DCC: variants seen among roughly 807,000 people sequenced by gnomAD.
DCC encodes netrin receptor DCC.
Under a neutral mutation model 172.5 loss-of-function variants are expected in DCC, and 58 were observed. The observed-to-expected ratio is 0.34, with a 90% confidence interval of 0.27 to 0.42. The LOEUF is 0.42. DCC is among the 10% of genes least tolerant of loss of function. The pLI, the probability that DCC is intolerant of heterozygous loss-of-function variation, is 1.00. For synonymous variants in DCC, 709 were observed against 644.5 expected (o/e 1.10, Z -1.52); for missense variants, 1,740 against 1,791.0 (o/e 0.97, Z 0.51).
At chr18:52,424,191 C>G (rs1987347224) in intron 1 of DCC, among the ~76,000 whole-genome samples, 1 of 152,124 alleles carries the variant, frequency 6.6e-6, no homozygotes, top group African/African-American at 2.4e-5. Flanking sequence ...TATATTAAAA[C>G]CTACCATGTA....
At chr18:53,129,909 C>T (rs2043625633) in intron 7 of DCC, among the ~76,000 whole-genome samples, 1 of 152,078 alleles carries the variant, frequency 6.6e-6, no homozygotes, top group Admixed American at 6.6e-5. Flanking sequence ...TTATAAACAT[C>T]TAAACCCTAG....
intron 3 of DCC, among the ~76,000 whole-genome samples, chr18:52,918,127 A>G (rs1192646315): frequency 1.3e-5 from 2 of 152,204 alleles, no homozygotes; most frequent in Non-Finnish European, 2.9e-5. Context: ...AGAGAATAAA[A>G]TGGAAAATGA....
intron 2 of DCC, among the ~76,000 whole-genome samples, chr18:52,897,059 G>A (rs1183240879): frequency 6.6e-6 from 1 of 152,184 alleles, no homozygotes; most frequent in Non-Finnish European, 1.5e-5. Context: ...AAATAACCTA[G>A]CAATGCTCTT....
intron 5 of DCC, among the ~76,000 whole-genome samples, chr18:53,061,170 C>T (rs184038857): frequency 3.0e-4 from 45 of 152,194 alleles, no homozygotes; most frequent in African/African-American, 8.4e-4. Flanking sequence ...CAGAGGCACT[C>T]GCAGTGAGAG....
intron 12 of DCC, among the ~76,000 whole-genome samples, chr18:53,288,531 A>G (rs925868883): frequency 2.6e-5 from 4 of 152,090 alleles, no homozygotes; most frequent in African/African-American, 9.7e-5. Flanking sequence ...TTATTTTGGA[A>G]TAGTTTTATT....
rs563643201 is a variant in DCC at position 52,843,710 on chromosome 18, A to G, written c.413-62334A>G. ...AGCATCTTTTCATCACTCACTGCCT[A>G]TTAAAACCCCACTAACAATTAAACA... On this transcript the variant is annotated intron_variant, in intron 2 of 28. Transcript: ENST00000442544. Among the ~76,000 whole-genome samples, 39 of 152,276 alleles carry G rather than the reference A, an allele frequency of 2.6e-4. No homozygotes were observed. The South Asian group carries it at 5.6e-3, about 22-fold the overall frequency.
intron 1 of DCC, among the ~76,000 whole-genome samples, chr18:52,716,494 A>T (rs1372214726): frequency 6.6e-6 from 1 of 152,192 alleles, no homozygotes; most frequent in Non-Finnish European, 1.5e-5. Flanking sequence ...GTATTCTTAC[A>T]TGTGGCTTGT....
At chr18:53,516,018 C>A (rs2046329690) in intron 27 of DCC, among the ~76,000 whole-genome samples, 1 of 148,086 alleles carries the variant, frequency 6.8e-6, no homozygotes, top group Non-Finnish European at 1.5e-5. Context: ...AAGAACAAAG[C>A]TGGAGGCATC....
intron 1 of DCC, among the ~76,000 whole-genome samples, chr18:52,548,604 G>A (rs567510597): frequency 2.6e-5 from 4 of 152,218 alleles, no homozygotes; most frequent in South Asian, 2.1e-4. Flanking sequence ...GAGCAGATAA[G>A]CTAAGTAAGT....
In DCC at chr18:53,129,357, C is replaced by T. The variant is rs564554747; in HGVS notation, c.1262-27999C>T. Among the ~76,000 whole-genome samples, 27 of 152,186 alleles carry T rather than the reference C, an allele frequency of 1.8e-4. No individual in the cohort carries two copies. In the South Asian group the frequency reaches 5.4e-3, roughly 30 times the overall value. ...TTAATATACAATAAAATGCACACAT[C>T]TCAAGTGTTGAGTTCACTGAATTTT... is the stretch of plus-strand genomic sequence containing the variant. On this transcript the variant is annotated intron_variant, in intron 7 of 28. Coordinates refer to ENST00000442544, the MANE Select transcript of DCC (RefSeq NM_005215.4).
chr18:53,232,334 T>G (rs1482395929), intron 12 of DCC, among the ~76,000 whole-genome samples: 1 of 152,168 alleles, frequency 6.6e-6, no homozygotes, highest in Non-Finnish European at 1.5e-5. Context: ...AGACATCCCT[T>G]AAGAGTACCT....
chr18:52,578,079 A>G (rs1202322805), intron 1 of DCC, among the ~76,000 whole-genome samples: 1 of 152,224 alleles, frequency 6.6e-6, no homozygotes, highest in Non-Finnish European at 1.5e-5. Context: ...TCCATCTTCT[A>G]AAGCAATTTT....
At chr18:53,503,489 G>A (rs984237670) in intron 27 of DCC, among the ~76,000 whole-genome samples, 7 of 152,142 alleles carry the variant, frequency 4.6e-5, no homozygotes, top group Admixed American at 4.6e-4. Context: ...ACTACACTTT[G>A]CAAATCACAA....
intron 1 of DCC, among the ~76,000 whole-genome samples, chr18:52,407,510 C>G (rs1016987369): frequency 6.6e-6 from 1 of 151,978 alleles, no homozygotes; most frequent in South Asian, 2.1e-4. Context: ...TATCTCCAAA[C>G]ATTCACGCCC....
chr18:52,794,039 C>T (rs985133078), intron 2 of DCC, among the ~76,000 whole-genome samples: 1 of 152,038 alleles, frequency 6.6e-6, no homozygotes, highest in African/African-American at 2.4e-5. Flanking sequence ...TAATACCATA[C>T]TGTTTTGGTT....
At chr18:53,282,931 T>G (rs555496559) in intron 12 of DCC, among the ~76,000 whole-genome samples, 1 of 152,308 alleles carries the variant, frequency 6.6e-6, no homozygotes, top group South Asian at 2.1e-4. Context: ...GAATGTTCTC[T>G]GGTGAATTTT....
At chr18:53,353,408 C>G (rs1483214302) in intron 15 of DCC, among the ~76,000 whole-genome samples, 2 of 24,500 alleles carry the variant, frequency 8.2e-5, no homozygotes. Flanking sequence ...TGAGCTAAGA[C>G]AAAAATAGAT....
At chr18:53,361,243 C>T (rs7231347) in intron 15 of DCC, among the ~76,000 whole-genome samples, 6,620 of 152,096 alleles carry the variant, frequency 0.044, 466 homozygotes, top group African/African-American at 0.15. Context: ...CAGTTTTGGA[C>T]GTTTGGACTT....
chr18:53,460,869 A>G (rs1359692734), intron 24 of DCC, among the ~76,000 whole-genome samples: 1 of 152,130 alleles, frequency 6.6e-6, no homozygotes, highest in Non-Finnish European at 1.5e-5. Flanking sequence ...GACTTCCACA[A>G]TGGTTGAACT....
Sources: allele counts gnomAD v4.1 joint callset (sites outside exome capture counted in the v4.1 genomes callset), GRCh38; gene constraint gnomAD v4.1.1; transcripts MANE v1.5; gene names NCBI Gene and HGNC (gene_info 2026-07-23, HGNC 2026-07-21).